Variants in SMC5 observed in about 807,000 individuals in gnomAD.
SMC5 encodes structural maintenance of chromosomes 5.
SMC5 carries 88 observed loss-of-function variants against 148.3 expected under a neutral mutation model. The ratio of observed to expected loss-of-function variants is 0.59; its 90% CI spans 0.50 to 0.71. The LOEUF (loss-of-function observed/expected upper bound fraction) is 0.71. SMC5 is among the 30% of genes least tolerant of loss of function. The probability of loss-of-function intolerance (pLI) is 0.00; values close to 1 mark genes in which losing one functional copy is unlikely to be tolerated. For missense variants in SMC5, 1,142 were observed against 1,298.9 expected, an observed-to-expected ratio of 0.88 and a Z score of 1.86; for synonymous variants, 421 against 432.8, an observed-to-expected ratio of 0.97 and a Z score of 0.34.
rs71364589 is a variant in SMC5, at chr9:70,270,642, ATTTTTTTT to A, written c.380+2684_380+2691del. On this transcript the variant is annotated intron_variant, in intron 3 of 24. Coordinates refer to ENST00000361138, the MANE Select transcript of SMC5 (RefSeq NM_015110.4). Reference sequence around the variant, plus strand: ...AGGAATTGAGGACAGAGACTAAATAATTTTTTTTTTTTTTTTTTTTTTTTGGGACGGAG... The same window carrying A: ...AGGAATTGAGGACAGAGACTAAATAATTTTTTTTTTTTTTTTGGGACGGAG... Among the ~76,000 whole-genome samples the A allele has an allele frequency of 1.3e-3, 133 of 103,816 alleles. 1 individual carries two copies. Among genetic ancestry groups the A allele is most frequent in the African/African-American group, 3.3e-3 (86 of 26,440 alleles). 68.1% of individuals were successfully genotyped at this position (103,816 alleles called of 152,430 possible).
chr9:70,293,032 C>T (rs954459444), intron 8 of SMC5, among the ~76,000 whole-genome samples: 1 of 152,078 alleles, frequency 6.6e-6, no homozygotes, highest in Non-Finnish European at 1.5e-5. Context: ...GTGATCCTTC[C>T]TCTTCTACTT....
At chr9:70,299,815 T>C (rs1587661951) in intron 9 of SMC5, among the ~76,000 whole-genome samples, 3 of 151,342 alleles carry the variant, frequency 2.0e-5, no homozygotes, top group Non-Finnish European at 4.4e-5. Context: ...TTGTTTGTTT[T>C]TGTAGGTTAC....
rs1265285925 is a variant in SMC5, at chr9:70,318,937, A to G, written c.2124A>G (p.Glu708=). 9.3e-6 allele frequency: 15 copies of G among 1,608,522 alleles called. No individual in the cohort carries two copies. Among genetic ancestry groups the G allele is most frequent in the Non-Finnish European group, 1.3e-5 (15 of 1,178,310 alleles). The change falls in exon 15 of 25, where the codon GAA becomes GAG. Residue 708 remains glutamate (E), a synonymous_variant. Transcript: ENST00000361138. Reference sequence around the variant, plus strand: ...GAAAAACCAAGAAAAGACAACTGGAACAAAAAATCAGTTCCAAACTAGGAA... The same window carrying G: ...GAAAAACCAAGAAAAGACAACTGGAGCAAAAAATCAGTTCCAAACTAGGAA... ...LERKTKKRQL[E]QKISSKLGSL... is the part of the protein sequence containing the mutation.
chr9:70,319,063 G>A (rs2035883749), intron 15 of SMC5, 100 bp downstream of exon 15: 2 of 1,066,668 alleles, frequency 1.9e-6, no homozygotes, highest in East Asian at 2.8e-5. Context: ...AGCACGCTTT[G>A]TAGTAATTTC....
intron 8 of SMC5, among the ~76,000 whole-genome samples, chr9:70,297,400 A>G (rs1455831490): frequency 2.6e-5 from 4 of 152,234 alleles, no homozygotes; most frequent in Admixed American, 2.0e-4. Context: ...ACTCACACAT[A>G]AATACTTAAC....
intron 17 of SMC5, among the ~76,000 whole-genome samples, chr9:70,335,204 A>G (rs2036326852): frequency 1.3e-5 from 2 of 152,196 alleles, no homozygotes; most frequent in South Asian, 4.1e-4. Context: ...TAAAAACTGG[A>G]AACAAGGCTG....
rs199534694 is a variant in SMC5 at position 70,350,242 on chromosome 9, A to G, written c.3018A>G (p.Ala1006=). 482 of 1,613,640 alleles carry G rather than the reference A, an allele frequency of 3.0e-4. 3 individuals carry two copies. Among genetic ancestry groups the G allele is most frequent in the Middle Eastern group, 3.3e-4 (2 of 6,056 alleles). ...TTTCTACCATGTTATACTTGATGGC[A>G]CTTCAGGAGCTAAATAGATGTCCAT... ...RSVSTMLYLM[A]LQELNRCPFR... Residue 1006 remains alanine (A), a synonymous_variant, in exon 23 of 25, where the codon GCA becomes GCG. Coordinates refer to ENST00000361138, the MANE Select transcript of SMC5 (RefSeq NM_015110.4).
In SMC5 at chr9:70,282,433, T is replaced by C; in HGVS notation, c.831T>C (p.Asn277=). 6.3e-7 allele frequency: 1 copy of C among 1,590,928 alleles called. No individual in the cohort carries two copies. Among genetic ancestry groups the C allele is most frequent in the Non-Finnish European group, 8.5e-7 (1 of 1,173,204 alleles). The part of the protein sequence containing the change: ...EAKRPWVEYE[N]VRQEYEEVKL... ...GAATTATTTGCAAGGAATATGAAAA[T>C]GTTCGTCAGGAATATGAAGAAGTAA... Residue 277 remains asparagine (N), a synonymous_variant, in exon 7 of 25, where the codon AAT becomes AAC. Transcript: ENST00000361138.
At chr9:70,349,293 C>G (rs1384883710) in intron 22 of SMC5, among the ~76,000 whole-genome samples, 1 of 152,144 alleles carries the variant, frequency 6.6e-6, no homozygotes, top group Non-Finnish European at 1.5e-5. Context: ...TCTCAAACTC[C>G]TGACCTGAAG....
rs575631186 is a variant in SMC5 at position 70,331,289 on chromosome 9, C to G, written c.2397+7146C>G. On this transcript the variant is annotated intron_variant, in intron 17 of 24. Transcript: ENST00000361138. ...GACAGTACAGTTTCTAAAATACTTT[C>G]AAGGAAAAGTGGAAGGGGAAACCTA... Among the ~76,000 whole-genome samples the G allele has an allele frequency of 2.6e-5, 4 of 152,116 alleles. No homozygotes were observed. The East Asian group carries it at 7.7e-4, about 29-fold the overall frequency.
chr9:70,284,194 C>G (rs2034834462), intron 7 of SMC5, among the ~76,000 whole-genome samples: 1 of 152,162 alleles, frequency 6.6e-6, no homozygotes, highest in Admixed American at 6.5e-5. Context: ...AATTCTAATA[C>G]AGGTTAAAGT....
intron 15 of SMC5, among the ~76,000 whole-genome samples, chr9:70,321,023 T>C (rs1016401759): frequency 5.3e-5 from 8 of 152,104 alleles, no homozygotes; most frequent in Non-Finnish European, 7.3e-5. Flanking sequence ...ACCATGAAAA[T>C]AGTTTTTAAC....
Position 70,347,930 on chromosome 9 carries a change from G to A in SMC5, c.2781G>A (p.Arg927=). Reference sequence around the variant, plus strand: ...GCCTTTATTTGTAGGTAAAAGAAAGGTGGCTTAATCCTTTAAAAGAGCTGG... The same window carrying A: ...GCCTTTATTTGTAGGTAAAAGAAAGATGGCTTAATCCTTTAAAAGAGCTGG... ...YRENISQVKE[R]WLNPLKELVE... The change falls in exon 22 of 25, where the codon AGG becomes AGA. Residue 927 remains arginine, a synonymous_variant. Transcript: ENST00000361138. 4 of 1,588,000 alleles carry A rather than the reference G, an allele frequency of 2.5e-6. No homozygotes were observed. Among genetic ancestry groups the A allele is most frequent in the Middle Eastern group, 2.0e-4 (1 of 5,078 alleles).
intron 6 of SMC5, among the ~76,000 whole-genome samples, chr9:70,281,650 A>G (rs999351334): frequency 6.6e-6 from 1 of 152,182 alleles, no homozygotes; most frequent in Non-Finnish European, 1.5e-5. Context: ...AATAATTGTT[A>G]CTTGCTTCAA....
At chr9:70,318,406 C>T in intron 13 of SMC5, 108 bp from the exon 14 acceptor site, 4 of 911,220 alleles carry the variant, frequency 4.4e-6, no homozygotes, top group Non-Finnish European at 6.3e-6. Flanking sequence ...AAATGTATAT[C>T]TCGTATATTT....
rs113702383 is a variant in SMC5, at chr9:70,318,702, T to A, written c.1980+15T>A. 6.3e-7 allele frequency: 1 copy of A among 1,575,062 alleles called. No individual in the cohort carries two copies. Among genetic ancestry groups the A allele is most frequent in the South Asian group, 1.2e-5 (1 of 82,766 alleles). On this transcript the variant is annotated intron_variant, in intron 14 of 24. Transcript: ENST00000361138. ...AACAGCTAAAGGTTGGTTAATTTGA[T>A]CTGAATGTTAGAAAAGAATATTAAC...
chr9:70,305,139 GTTTT>G, intron 10 of SMC5, 104 bp from the exon 11 acceptor site: 1 of 548,422 alleles, frequency 1.8e-6, no homozygotes, highest in Non-Finnish European at 3.2e-6. Context: ...TTTTTATCTT[GTTTT>G]TTCTCAAGTA....
At chr9:70,347,437 A>G (rs116513440) in intron 20 of SMC5, among the ~76,000 whole-genome samples, 176 bp from the exon 21 acceptor site, 257 of 152,298 alleles carry the variant, frequency 1.7e-3, no homozygotes, top group African/African-American at 5.8e-3. Context: ...TGCAATGTCT[A>G]TTTTTTCAAG....
chr9:70,267,692 G>A (rs1027310600), intron 2 of SMC5, among the ~76,000 whole-genome samples: 5 of 152,166 alleles, frequency 3.3e-5, no homozygotes, highest in Non-Finnish European at 7.3e-5. Flanking sequence ...AGGCTATGGA[G>A]TGCATAGGAG....
Sources: gnomAD v4.1 joint callset for allele counts (sites outside exome capture counted in the v4.1 genomes callset) on GRCh38, gnomAD v4.1.1 for gene constraint, MANE v1.5 for transcripts, NCBI Gene and HGNC (gene_info 2026-07-23, HGNC 2026-07-21) for gene names.